BCAS3: variants seen among roughly 807,000 people sequenced by gnomAD.
BCAS3 encodes BCAS4/BCAS3 fusion.
In BCAS3, 53 loss-of-function variants were observed where a neutral mutation model predicts 116.1. The ratio of observed to expected loss-of-function variants is 0.46; its 90% CI spans 0.37 to 0.57. The LOEUF is 0.57. Ranked by LOEUF, BCAS3 falls within the 20% of genes least tolerant of loss-of-function variation. The pLI is 0.00. For missense variants in BCAS3, 917 were observed against 1,165.4 expected, an observed-to-expected ratio of 0.79 and a Z score of 3.10; for synonymous variants, 391 against 408.2, an observed-to-expected ratio of 0.96 and a Z score of 0.51.
chr17:60,777,460 A>G (rs1044001093), intron 6 of BCAS3, among the ~76,000 whole-genome samples: 1 of 151,748 alleles, frequency 6.6e-6, no homozygotes, highest in African/African-American at 2.4e-5. Context: ...CCCCACCTCT[A>G]CTAAAATTAC....
At position 61,134,541 on chromosome 17, in the gene BCAS3, TC is replaced by T. The variant is rs762858256; in HGVS notation, c.2425+49979del. On this transcript the variant is annotated intron_variant, in intron 22 of 23. Transcript: ENST00000407086. The surrounding 1 kb of genome is among the most constrained non-coding windows in gnomAD (Gnocchi z 4.6). ...AGTATTGGACTGAGCAATTTCTAGA[TC>T]CTTTTGGTTCTAGAATTATAGGAAA... 3.3e-5 allele frequency among the ~76,000 whole-genome samples: 5 copies of T among 152,312 alleles called. No individual in the cohort carries two copies. In the South Asian group the frequency reaches 1.0e-3, roughly 32 times the overall value.
At chr17:60,786,772 T>A (rs1036600439) in intron 6 of BCAS3, among the ~76,000 whole-genome samples, 1 of 152,146 alleles carries the variant, frequency 6.6e-6, no homozygotes, top group African/African-American at 2.4e-5. Context: ...CTGAGGTTAC[T>A]TGTTTTTCAG....
At chr17:60,873,551 C>T (rs1170896247) in intron 8 of BCAS3, among the ~76,000 whole-genome samples, 2 of 152,046 alleles carry the variant, frequency 1.3e-5, no homozygotes, top group Non-Finnish European at 2.9e-5. Context: ...GCAAGGATAG[C>T]ACAATATAAA....
At position 61,329,502 on chromosome 17, in the gene BCAS3, G is replaced by A. The variant is rs541805871; in HGVS notation, c.2426-38825G>A. 4.9e-3 allele frequency among the ~76,000 whole-genome samples: 747 copies of A among 151,904 alleles called. 5 individuals are homozygous for A. Among genetic ancestry groups the A allele is most frequent in the African/African-American group, 0.017 (718 of 41,446 alleles). Reference sequence around the variant, plus strand: ...ACTACAGGCGCCCGCCACCACGCCCGGCTAATTTTTTGTATTTTTTAGTAG... The same window carrying A: ...ACTACAGGCGCCCGCCACCACGCCCAGCTAATTTTTTGTATTTTTTAGTAG... On this transcript the variant is annotated intron_variant, in intron 22 of 23. Coordinates refer to ENST00000407086, the MANE Select transcript of BCAS3 (RefSeq NM_017679.5).
At chr17:60,719,364 A>G (rs1887502490) in intron 5 of BCAS3, among the ~76,000 whole-genome samples, 1 of 152,356 alleles carries the variant, frequency 6.6e-6, no homozygotes, top group South Asian at 2.1e-4. Context: ...TAGTTTACAG[A>G]AGTATCATTT....
rs2081043088 is a variant in BCAS3, at chr17:61,204,988, G to A, written c.2425+120424G>A. Reference sequence around the variant, plus strand: ...GATCACCTGAGCCCAGAGAGGTTGAGGCTGCAGTGAGCCATGATTGTGCCA... The same window carrying A: ...GATCACCTGAGCCCAGAGAGGTTGAAGCTGCAGTGAGCCATGATTGTGCCA... On this transcript the variant is annotated intron_variant, in intron 22 of 23. Coordinates refer to ENST00000407086, the MANE Select transcript of BCAS3 (RefSeq NM_017679.5). This position sits in a 1 kb window ranked among gnomAD's most constrained non-coding sequence, Gnocchi z 4.2. 6.6e-6 allele frequency among the ~76,000 whole-genome samples: 1 copy of A among 152,170 alleles called. No individual in the cohort carries two copies. The highest frequency in any genetic ancestry group is 2.1e-4 in the South Asian group (1 of 4,830).
At position 61,144,073 on chromosome 17, in the gene BCAS3, TTA is replaced by T; in HGVS notation, c.2425+59512_2425+59513del. On this transcript the variant is annotated intron_variant, in intron 22 of 23. Coordinates refer to ENST00000407086, the MANE Select transcript of BCAS3 (RefSeq NM_017679.5). This position sits in a 1 kb window ranked among gnomAD's most constrained non-coding sequence, Gnocchi z 5.0. ...TTTCTATAAGTGTTCTGAAAATAAGTTATAAGTTTTTGTTCATTTCATAGGAG... is the reference window on the plus strand; with the variant it reads ...TTTCTATAAGTGTTCTGAAAATAAGTTAAGTTTTTGTTCATTTCATAGGAG... Among the ~76,000 whole-genome samples the T allele has an allele frequency of 6.6e-6, 1 of 152,290 alleles. No homozygotes were observed. The highest frequency in any genetic ancestry group is 1.9e-4 in the East Asian group (1 of 5,188).
chr17:61,272,103 C>T (rs1206698413), intron 22 of BCAS3, among the ~76,000 whole-genome samples: 2 of 152,148 alleles, frequency 1.3e-5, no homozygotes, highest in African/African-American at 4.8e-5. Flanking sequence ...AGCCATCATG[C>T]CTGGCTACCA....
At chr17:60,980,498 A>G (rs2062733114) in intron 14 of BCAS3, 1 of 140,750 alleles carries the variant, frequency 7.1e-6, no homozygotes, top group African/African-American at 2.6e-5. Context: ...TCCCTCATTC[A>G]TTTTATGGCT....
At chr17:61,375,246 G>GTGTGTGTGTGTGCGCGCGCGCGCACACA (rs150061118) in intron 23 of BCAS3, among the ~76,000 whole-genome samples, 5 of 150,666 alleles carry the variant, frequency 3.3e-5, no homozygotes, top group African/African-American at 1.2e-4. Context: ...GTGTGTGTGT[G>GTGTGTGTGTGTGCGCGCGCGCGCACACA]TGTGTGTGTA....
At chr17:61,002,346 T>C (rs2064301662) in intron 15 of BCAS3, among the ~76,000 whole-genome samples, 1 of 152,148 alleles carries the variant, frequency 6.6e-6, no homozygotes, top group Admixed American at 6.5e-5. Context: ...TCTTTGCTTT[T>C]TACTGCTTGT....
At chr17:61,375,246 G>GTGTGTGTGTGTGTGTGCGCGCGCGCACA (rs150061118) in intron 23 of BCAS3, among the ~76,000 whole-genome samples, 12 of 150,782 alleles carry the variant, frequency 8.0e-5, no homozygotes, top group African/African-American at 3.0e-4. Flanking sequence ...GTGTGTGTGT[G>GTGTGTGTGTGTGTGTGCGCGCGCGCACA]TGTGTGTGTA....
At chr17:60,916,434 G>A (rs558941118) in intron 12 of BCAS3, among the ~76,000 whole-genome samples, 4 of 152,162 alleles carry the variant, frequency 2.6e-5, no homozygotes, top group Non-Finnish European at 5.9e-5. Context: ...GGAAAACTAA[G>A]AGAACCTATC....
At chr17:60,891,739 T>G (rs2057165977) in intron 10 of BCAS3, 1 of 455,920 alleles carries the variant, frequency 2.2e-6, no homozygotes, top group African/African-American at 2.0e-5. Flanking sequence ...CAGCTTCTAG[T>G]GTATCCATCA....
At chr17:60,844,467 C>G (rs2052306995) in intron 7 of BCAS3, among the ~76,000 whole-genome samples, 1 of 152,090 alleles carries the variant, frequency 6.6e-6, no homozygotes, top group Non-Finnish European at 1.5e-5. Context: ...CATACAATTC[C>G]CTGTCTTCCC....
At chr17:61,089,319 C>T (rs2073336607) in intron 22 of BCAS3, among the ~76,000 whole-genome samples, 1 of 151,712 alleles carries the variant, frequency 6.6e-6, no homozygotes, top group African/African-American at 2.4e-5. Context: ...ACAAATAATA[C>T]TCATTAATAG....
chr17:61,363,555 T>G lies in BCAS3; in HGVS notation c.2426-4772T>G, dbSNP rs1028785383. 8.2e-6 allele frequency among the ~76,000 whole-genome samples: 1 copy of G among 122,120 alleles called. No homozygotes were observed. Among genetic ancestry groups the G allele is most frequent in the Non-Finnish European group, 1.7e-5 (1 of 57,848 alleles). 80.1% of individuals were successfully genotyped at this position (122,120 alleles called of 152,430 possible). A position where few individuals can be genotyped will look rare whatever the true frequency, so the allele number is the denominator to read the frequency against. On this transcript the variant is annotated intron_variant, in intron 22 of 23. Transcript: ENST00000407086. The surrounding 1 kb of genome is among the most constrained non-coding windows in gnomAD (Gnocchi z 4.9). ...TTGGTGAAGTCACATAAGCTCCTCT[T>G]TTTTTTTTTTTTTTTAACTCACTCT...
Position 61,380,655 on chromosome 17 carries a change from C to A in BCAS3, c.2594-11322C>A. 1 of 1,345,398 alleles carries A rather than the reference C, an allele frequency of 7.4e-7. No homozygotes were observed. The allele number at this position is 1,345,398 out of a possible 1,614,324, so 83.3% of individuals were successfully genotyped here. ...CCTCAAGAGGGTGCCCTCCTACCCC[C>A]TCGTGCCCAGGCCCAGGAGCACTCT... On this transcript the variant is annotated intron_variant, in intron 23 of 23. Transcript: ENST00000407086. This position sits in a 1 kb window ranked among gnomAD's most constrained non-coding sequence, Gnocchi z 4.2.
At chr17:60,766,187 G>A (rs1323887344) in intron 6 of BCAS3, among the ~76,000 whole-genome samples, 1 of 152,126 alleles carries the variant, frequency 6.6e-6, no homozygotes, top group Non-Finnish European at 1.5e-5. Flanking sequence ...GCCTACTTAT[G>A]TCAGCTCATC....
Sources: allele counts gnomAD v4.1 joint callset (sites outside exome capture counted in the v4.1 genomes callset), GRCh38; gene constraint gnomAD v4.1.1; non-coding constraint Gnocchi (gnomAD v3.1); transcripts MANE v1.5; gene names NCBI Gene and HGNC (gene_info 2026-07-23, HGNC 2026-07-21).